NREP: variants seen among roughly 807,000 people sequenced by gnomAD.
NREP encodes neuronal regeneration related protein, also known as neuronal regeneration-related protein.
Under a neutral mutation model 8.6 loss-of-function variants are expected in NREP, and 5 were observed. That is an observed-to-expected ratio of 0.58 (90% CI 0.30 to 1.22). NREP has a LOEUF of 1.22. Among genes scored for constraint, NREP ranks in the 50% most tolerant of loss-of-function variants. NREP has a pLI of 0.07. For missense variants in NREP, 86 were observed against 82.5 expected (o/e 1.04, Z -0.17); for synonymous variants, 27 against 28.0 (o/e 0.96, Z 0.11).
At chr5:111,880,880 A>C (rs1366427016) in intron 2 of NREP, among the ~76,000 whole-genome samples, 2 of 151,552 alleles carry the variant, frequency 1.3e-5, no homozygotes, top group East Asian at 3.9e-4. Flanking sequence ...TCCGTTCTAC[A>C]GCTCCCAGCG....
chr5:111,940,948 T>C (rs562213298), intron 2 of NREP, among the ~76,000 whole-genome samples: 1 of 152,126 alleles, frequency 6.6e-6, no homozygotes, highest in African/African-American at 2.4e-5. Context: ...GGATATGTCA[T>C]ATAATGTCTT....
chr5:111,940,948 T>A (rs562213298), intron 2 of NREP, among the ~76,000 whole-genome samples: 1 of 152,242 alleles, frequency 6.6e-6, no homozygotes, highest in African/African-American at 2.4e-5. Flanking sequence ...GGATATGTCA[T>A]ATAATGTCTT....
intron 2 of NREP, among the ~76,000 whole-genome samples, chr5:111,919,911 G>T (rs1225198930): frequency 6.8e-6 from 1 of 147,628 alleles, no homozygotes; most frequent in Non-Finnish European, 1.5e-5. Flanking sequence ...AAGAAAGAAA[G>T]AAAGAAAGAT....
chr5:111,864,136 C>G (rs1424549869), intron 2 of NREP, among the ~76,000 whole-genome samples: 2 of 152,122 alleles, frequency 1.3e-5, no homozygotes, highest in Admixed American at 6.6e-5. Flanking sequence ...GACCGCAATA[C>G]TTGACATGTT....
intron 2 of NREP, among the ~76,000 whole-genome samples, chr5:111,785,479 C>T (rs1000563237): frequency 6.6e-6 from 1 of 152,038 alleles, no homozygotes; most frequent in Non-Finnish European, 1.5e-5. Context: ...GGGGTTTCAC[C>T]ATGTTAGCCA....
chr5:111,937,526 T>C (rs1365822923), intron 2 of NREP, among the ~76,000 whole-genome samples: 2 of 152,058 alleles, frequency 1.3e-5, no homozygotes, highest in African/African-American at 4.8e-5. Context: ...TCTAACTGCA[T>C]ACAGAGAAAA....
At chr5:111,829,141 T>A (rs970991115) in intron 2 of NREP, among the ~76,000 whole-genome samples, 1 of 151,722 alleles carries the variant, frequency 6.6e-6, no homozygotes, top group African/African-American at 2.4e-5. Flanking sequence ...GGCTAGAACA[T>A]TGGGTACATG....
intron 2 of NREP, among the ~76,000 whole-genome samples, chr5:111,811,088 G>C (rs1283511532): frequency 6.6e-6 from 1 of 152,116 alleles, no homozygotes; most frequent in African/African-American, 2.4e-5. Context: ...TAAACACTTA[G>C]CTTGTGCTCC....
chr5:111,735,751 A>ATT (rs1157413322), intron 2 of NREP, among the ~76,000 whole-genome samples: 2 of 152,338 alleles, frequency 1.3e-5, no homozygotes, highest in Middle Eastern at 3.4e-3. Context: ...GATATCAATC[A>ATT]ATGTTATTTT....
At chr5:111,878,903 G>A (rs533281777) in intron 2 of NREP, among the ~76,000 whole-genome samples, 32 of 152,212 alleles carry the variant, frequency 2.1e-4, no homozygotes, top group Middle Eastern at 3.4e-3. Flanking sequence ...CTCATTCAGC[G>A]AATACTCCTT....
chr5:111,928,722 A>G (rs1397560215), intron 2 of NREP, among the ~76,000 whole-genome samples: 1 of 152,188 alleles, frequency 6.6e-6, no homozygotes, highest in Non-Finnish European at 1.5e-5. Flanking sequence ...AATTTAGGAT[A>G]AGTGAAGTGG....
rs1279138991 is a variant in NREP at position 111,886,615 on chromosome 5, A to G, written c.135+88659T>C. On this transcript the variant is annotated intron_variant, in intron 2 of 3. Coordinates refer to the NREP transcript ENST00000395634. ...AGACTGGATTAAGAAAATGTGGCAC[A>G]TATACACCATGGAATACTATGCAGC... Among the ~76,000 whole-genome samples, 5 of 151,096 alleles carry G rather than the reference A, an allele frequency of 3.3e-5. No homozygotes were observed. In the South Asian group the frequency reaches 1.1e-3, roughly 32 times the overall value.
chr5:111,775,714 G>C (rs1461333589), intron 2 of NREP, among the ~76,000 whole-genome samples: 1 of 152,080 alleles, frequency 6.6e-6, no homozygotes, highest in African/African-American at 2.4e-5. Context: ...TTGAAAATTT[G>C]ATGCGAAGAA....
At chr5:111,810,034 T>G (rs2112913093) in intron 2 of NREP, among the ~76,000 whole-genome samples, 1 of 151,694 alleles carries the variant, frequency 6.6e-6, no homozygotes, top group African/African-American at 2.4e-5. Flanking sequence ...CCAATCAGAC[T>G]AATCTCATAA....
intron 2 of NREP, among the ~76,000 whole-genome samples, chr5:111,963,786 C>A (rs148672399): frequency 3.2e-3 from 489 of 152,264 alleles, no homozygotes; most frequent in African/African-American, 0.011. Context: ...AGAAACTGAG[C>A]CTTTGGTAGT....
At chr5:111,884,546 C>G (rs902860204) in intron 2 of NREP, among the ~76,000 whole-genome samples, 2 of 150,618 alleles carry the variant, frequency 1.3e-5, no homozygotes, top group African/African-American at 4.8e-5. Context: ...GATCAATATC[C>G]TTGATGAACA....
chr5:111,898,489 A>C lies in NREP; in HGVS notation c.135+76785T>G, dbSNP rs1754567515. ...CAGGTTGGGAGGAAACATATTTTTG[A>C]TATGTTGCTATCAAACTATCTAATG... On this transcript the variant is annotated intron_variant, in intron 2 of 3. Transcript: ENST00000395634. Among the ~76,000 whole-genome samples the C allele has an allele frequency of 2.6e-5, 4 of 152,110 alleles. No individual in the cohort carries two copies. The South Asian group carries it at 8.3e-4, about 32-fold the overall frequency.
intron 2 of NREP, among the ~76,000 whole-genome samples, chr5:111,740,411 T>C (rs1581050855): frequency 6.6e-6 from 1 of 152,264 alleles, no homozygotes; most frequent in East Asian, 1.9e-4. Flanking sequence ...CAATATTCTA[T>C]CACAGCATAC....
chr5:111,826,552 C>T (rs1752632563), intron 2 of NREP, among the ~76,000 whole-genome samples: 1 of 152,206 alleles, frequency 6.6e-6, no homozygotes, highest in South Asian at 2.1e-4. Context: ...AAGGAACAAA[C>T]TCAGGACACA....
Sources: allele counts gnomAD v4.1 joint callset (sites outside exome capture counted in the v4.1 genomes callset), GRCh38; gene constraint gnomAD v4.1.1; transcripts MANE v1.5; gene names NCBI Gene and HGNC (gene_info 2026-07-23, HGNC 2026-07-21).